ST6GAL1: variants seen among roughly 807,000 people sequenced by gnomAD.
The protein encoded by ST6GAL1 is beta-galactoside alpha-2,6-sialyltransferase 1.
ST6GAL1 carries 20 observed loss-of-function variants against 38.0 expected under a neutral mutation model. The ratio of observed to expected loss-of-function variants is 0.53; its 90% CI spans 0.37 to 0.77. The LOEUF (loss-of-function observed/expected upper bound fraction) is 0.77. Among genes scored for constraint, ST6GAL1 ranks in the 30% least tolerant of loss-of-function variants. ST6GAL1 has a pLI of 0.00. For missense variants in ST6GAL1, 432 were observed against 496.4 expected, an observed-to-expected ratio of 0.87 and a Z score of 1.23; for synonymous variants, 196 against 188.2, an observed-to-expected ratio of 1.04 and a Z score of -0.34.
chr3:186,990,364 A>G (rs1288240376), intron 2 of ST6GAL1, among the ~76,000 whole-genome samples: 1 of 152,206 alleles, frequency 6.6e-6, no homozygotes, highest in Non-Finnish European at 1.5e-5. Context: ...TATTGAATGC[A>G]GGTGACTCAT....
intron 2 of ST6GAL1, among the ~76,000 whole-genome samples, chr3:187,036,596 C>T (rs932092136): frequency 6.6e-5 from 10 of 152,234 alleles, no homozygotes; most frequent in African/African-American, 2.4e-4. Context: ...ATGCCCTTTG[C>T]AGCAACATGG....
intron 2 of ST6GAL1, among the ~76,000 whole-genome samples, chr3:187,030,619 A>T (rs141249831): frequency 6.6e-6 from 1 of 152,064 alleles, no homozygotes; most frequent in African/African-American, 2.4e-5. Flanking sequence ...TTTTTAGGAA[A>T]GATGAGGTTT....
intron 1 of ST6GAL1, among the ~76,000 whole-genome samples, chr3:186,961,965 T>A (rs575700181): frequency 1.3e-5 from 2 of 152,272 alleles, no homozygotes; most frequent in South Asian, 4.2e-4. Context: ...AGCTCAGCTG[T>A]TTGCCTGTAA....
intron 1 of ST6GAL1, among the ~76,000 whole-genome samples, chr3:186,955,332 G>A (rs4686818): frequency 0.92 from 136,330 of 147,806 alleles, 62,918 homozygotes; most frequent in Middle Eastern, 0.96. Context: ...TTGGTTCCAT[G>A]TGAATTTTAA....
At chr3:187,023,159 A>G (rs1331353927) in intron 2 of ST6GAL1, among the ~76,000 whole-genome samples, 1 of 152,090 alleles carries the variant, frequency 6.6e-6, no homozygotes, top group Non-Finnish European at 1.5e-5. Context: ...TTAGGATTTT[A>G]TTTTTGGTTT....
At chr3:186,999,411 CTCTTT>C (rs1278576775) in intron 2 of ST6GAL1, among the ~76,000 whole-genome samples, 2 of 87,230 alleles carry the variant, frequency 2.3e-5, no homozygotes, top group Non-Finnish European at 4.7e-5. Flanking sequence ...CTACTATAAT[CTCTTT>C]TTTTTTTTTT....
At chr3:186,975,014 G>A (rs1401603131) in intron 2 of ST6GAL1, 1 of 152,354 alleles carries the variant, frequency 6.6e-6, no homozygotes, top group Non-Finnish European at 1.5e-5. Context: ...AATAGCTCTG[G>A]GCTTTGGCAG....
chr3:187,030,560 A>T (rs1717710612), intron 2 of ST6GAL1, among the ~76,000 whole-genome samples: 1 of 152,020 alleles, frequency 6.6e-6, no homozygotes, highest in African/African-American at 2.4e-5. Context: ...CAGCCTCTCA[A>T]GTAGCTGGGA....
intron 1 of ST6GAL1, among the ~76,000 whole-genome samples, chr3:186,933,974 T>C (rs891772080): frequency 6.6e-5 from 10 of 152,220 alleles, no homozygotes; most frequent in Non-Finnish European, 1.5e-4. Context: ...TTTACTCTTG[T>C]GCTGGGTTCC....
intron 1 of ST6GAL1, among the ~76,000 whole-genome samples, chr3:186,946,284 G>A (rs544732681): frequency 1.5e-3 from 222 of 151,848 alleles, no homozygotes; most frequent in African/African-American, 5.1e-3. Flanking sequence ...CTCTAGCCTG[G>A]GCGACAGAGT....
chr3:186,966,827 A>C (rs6792563), intron 2 of ST6GAL1, among the ~76,000 whole-genome samples: 5,709 of 152,224 alleles, frequency 0.038, 341 homozygotes, highest in African/African-American at 0.13. Context: ...GGACTCTCAG[A>C]ACTGTTTCCC....
chr3:187,074,392 T>C, intron 7 of ST6GAL1, 59 bp downstream of exon 7: 6 of 1,460,364 alleles, frequency 4.1e-6, no homozygotes, highest in Middle Eastern at 2.1e-4. Flanking sequence ...ATGAGCTTTT[T>C]TTCTGGGGTC....
chr3:187,036,778 A>G (rs1717944135), intron 2 of ST6GAL1, among the ~76,000 whole-genome samples: 1 of 152,172 alleles, frequency 6.6e-6, no homozygotes, highest in South Asian at 2.1e-4. Flanking sequence ...AAAGAGCTAA[A>G]AAATGAATTA....
At chr3:187,013,821 G>A (rs112519070) in intron 2 of ST6GAL1, among the ~76,000 whole-genome samples, 2,417 of 152,250 alleles carry the variant, frequency 0.016, 71 homozygotes, top group African/African-American at 0.055. Context: ...CCGACCTCAG[G>A]TGATCCTCCC....
At chr3:186,984,799 CCT>C (rs1715837060) in intron 2 of ST6GAL1, among the ~76,000 whole-genome samples, 1 of 39,032 alleles carries the variant, frequency 2.6e-5, no homozygotes, top group African/African-American at 9.3e-5. Context: ...TTCCTTCCTT[CCT>C]TCCATCCTTC....
intron 2 of ST6GAL1, among the ~76,000 whole-genome samples, chr3:186,979,981 A>G (rs1715640576): frequency 6.6e-6 from 1 of 152,168 alleles, no homozygotes; most frequent in African/African-American, 2.4e-5. Context: ...TATCTCATTT[A>G]TTCCTCCGTA....
intron 5 of ST6GAL1, among the ~76,000 whole-genome samples, chr3:187,069,014 A>T (rs1037394227): frequency 1.6e-4 from 25 of 152,218 alleles, no homozygotes; most frequent in Admixed American, 1.1e-3. Flanking sequence ...TTGTTAAGTT[A>T]CAACGTTCCC....
chr3:187,012,339 G>A (rs1355266492), intron 2 of ST6GAL1, among the ~76,000 whole-genome samples: 1 of 151,668 alleles, frequency 6.6e-6, no homozygotes, highest in African/African-American at 2.4e-5. Flanking sequence ...CTCACTGCAA[G>A]CTCCGCCCCC....
intron 3 of ST6GAL1, among the ~76,000 whole-genome samples, chr3:187,041,647 C>G (rs1489988847): frequency 6.6e-6 from 1 of 152,208 alleles, no homozygotes; most frequent in African/African-American, 2.4e-5. Context: ...ATCAAATCCA[C>G]TTCGATTTGA....
Sources: allele counts gnomAD v4.1 joint callset (sites outside exome capture counted in the v4.1 genomes callset), GRCh38; gene constraint gnomAD v4.1.1; transcripts MANE v1.5; gene names NCBI Gene and HGNC (gene_info 2026-07-23, HGNC 2026-07-21).